Variants in DAB1 observed in about 807,000 individuals in gnomAD.
The protein encoded by DAB1 is DAB adaptor protein 1, also known as disabled homolog 1.
A neutral mutation model predicts 64.6 loss-of-function variants in DAB1; 15 were observed. The ratio of observed to expected loss-of-function variants is 0.23; its 90% confidence interval spans 0.16 to 0.36. The LOEUF is 0.36. Among genes scored for constraint, DAB1 ranks in the 10% least tolerant of loss-of-function variants. The pLI, the probability that DAB1 is intolerant of heterozygous loss-of-function variation, is 1.00. For synonymous variants in DAB1, 235 were observed against 251.9 expected, an observed-to-expected ratio of 0.93 and a Z score of 0.64; for missense variants, 596 against 706.7, an observed-to-expected ratio of 0.84 and a Z score of 1.78.
chr1:58,083,696 T>G (rs1650135843), intron 5 of DAB1, among the ~76,000 whole-genome samples: 1 of 152,238 alleles, frequency 6.6e-6, no homozygotes, highest in African/African-American at 2.4e-5. Flanking sequence ...ACAAAGTCCC[T>G]GCTTATGACA....
At chr1:57,671,070 G>C (rs1236750333) in intron 6 of DAB1, among the ~76,000 whole-genome samples, 4 of 151,994 alleles carry the variant, frequency 2.6e-5, no homozygotes, top group South Asian at 4.1e-4. Context: ...TTCAAGTTTT[G>C]CTTTTTGGAA....
At chr1:57,819,590 G>C (rs185609916) in intron 6 of DAB1, among the ~76,000 whole-genome samples, 3 of 152,150 alleles carry the variant, frequency 2.0e-5, no homozygotes, top group Non-Finnish European at 1.5e-5. Context: ...TTCTTTGCTG[G>C]CAAATTCATT....
intron 7 of DAB1, among the ~76,000 whole-genome samples, chr1:57,566,431 A>G (rs1246818100): frequency 6.6e-6 from 1 of 152,236 alleles, no homozygotes; most frequent in Non-Finnish European, 1.5e-5. Flanking sequence ...AGATCAGGGC[A>G]GAACTGAAGA....
At chr1:57,131,012 T>G (rs1657609497) in intron 4 of DAB1, among the ~76,000 whole-genome samples, 1 of 152,218 alleles carries the variant, frequency 6.6e-6, no homozygotes, top group East Asian at 1.9e-4. Flanking sequence ...CCCTGAATAT[T>G]GCAGATTATT....
chr1:57,241,855 C>T (rs72903218), intron 2 of DAB1, among the ~76,000 whole-genome samples: 2,476 of 152,276 alleles, frequency 0.016, 57 homozygotes, highest in African/African-American at 0.055. Flanking sequence ...TGCTAGGCCC[C>T]ATCCACATAT....
At chr1:57,710,828 T>C (rs1168530488) in intron 6 of DAB1, among the ~76,000 whole-genome samples, 1 of 152,156 alleles carries the variant, frequency 6.6e-6, no homozygotes. Flanking sequence ...GTTACTCAAC[T>C]CAATCTCCAC....
intron 5 of DAB1, among the ~76,000 whole-genome samples, chr1:57,922,845 C>CAATAAAAAAAAAAAA (rs1644828051): frequency 2.2e-5 from 1 of 45,010 alleles, no homozygotes; most frequent in African/African-American, 1.1e-4. Context: ...GACTCCATCT[C>CAATAAAAAAAAAAAA]AAAAAAAAAA....
intron 4 of DAB1, among the ~76,000 whole-genome samples, chr1:58,222,153 C>G (rs1229353387): frequency 6.6e-6 from 1 of 152,160 alleles, no homozygotes; most frequent in Non-Finnish European, 1.5e-5. Context: ...TGGAACTTAA[C>G]TTTAGGGAAG....
At chr1:58,058,705 G>T (rs762297566) in intron 5 of DAB1, among the ~76,000 whole-genome samples, 1 of 152,348 alleles carries the variant, frequency 6.6e-6, no homozygotes, top group Middle Eastern at 3.4e-3. Context: ...ATCACAGAAA[G>T]ATGTGCATCC....
chr1:58,336,357 T>C (rs2100500210), intron 4 of DAB1, among the ~76,000 whole-genome samples: 1 of 152,352 alleles, frequency 6.6e-6, no homozygotes, highest in East Asian at 1.9e-4. Flanking sequence ...TGCTGGCATT[T>C]GCTTCAGATG....
chr1:57,116,869 A>G (rs1656184576), intron 4 of DAB1, among the ~76,000 whole-genome samples: 1 of 152,216 alleles, frequency 6.6e-6, no homozygotes, highest in Non-Finnish European at 1.5e-5. Flanking sequence ...TAGGAGCACC[A>G]TGGAGAGAAT....
intron 4 of DAB1, among the ~76,000 whole-genome samples, chr1:58,263,159 C>T (rs1176843524): frequency 6.6e-6 from 1 of 152,082 alleles, no homozygotes; most frequent in East Asian, 1.9e-4. Flanking sequence ...AAAACAGAGG[C>T]CAATTAATAA....
chr1:57,289,957 G>A (rs190782616), intron 2 of DAB1, among the ~76,000 whole-genome samples: 6 of 152,282 alleles, frequency 3.9e-5, no homozygotes, highest in Admixed American at 1.3e-4. Flanking sequence ...CAGAAAACAC[G>A]AAAAGTGACA....
chr1:58,074,564 G>GTGTGTATATATATATATATATATATATA (rs1332531604), intron 5 of DAB1: 1 of 91,632 alleles, frequency 1.1e-5, no homozygotes, highest in African/African-American at 4.4e-5. Context: ...ATATATGTGT[G>GTGTGTATATATATATATATATATATATA]TATATATATA....
chr1:57,691,972 C>G (rs1558615777), intron 6 of DAB1, among the ~76,000 whole-genome samples: 1 of 152,042 alleles, frequency 6.6e-6, no homozygotes, highest in South Asian at 2.1e-4. Context: ...TCTAACAACC[C>G]CCAACTCTTC....
chr1:57,286,538 C>T (rs567533557), intron 2 of DAB1, among the ~76,000 whole-genome samples: 9 of 152,182 alleles, frequency 5.9e-5, no homozygotes, highest in Admixed American at 2.0e-4. Flanking sequence ...TTTTGTTTTA[C>T]GGAATTATGC....
chr1:58,030,156 G>T (rs558528784), intron 5 of DAB1, among the ~76,000 whole-genome samples: 16 of 152,016 alleles, frequency 1.1e-4, no homozygotes, highest in Non-Finnish European at 2.2e-4. Context: ...GCAGTGAGCC[G>T]AGATCGCACC....
chr1:57,342,113 GAAC>G (rs375926637), intron 1 of DAB1, among the ~76,000 whole-genome samples: 73 of 152,318 alleles, frequency 4.8e-4, no homozygotes, highest in African/African-American at 1.8e-3. Flanking sequence ...CAACCTTTCA[GAAC>G]AACTCAGAAG....
At chr1:58,415,504 T>C (rs1644711088) in intron 3 of DAB1, 1 of 239,116 alleles carries the variant, frequency 4.2e-6, no homozygotes, top group Non-Finnish European at 6.8e-6. Flanking sequence ...GAGACAAAAA[T>C]GGATTAAGTG....
Sources: allele counts gnomAD v4.1 joint callset (sites outside exome capture counted in the v4.1 genomes callset), GRCh38; gene constraint gnomAD v4.1.1; transcripts MANE v1.5; gene names NCBI Gene and HGNC (gene_info 2026-07-23, HGNC 2026-07-21).